SPON1: variants seen among roughly 807,000 people sequenced by gnomAD.
SPON1 encodes the protein spondin-1.
Under a neutral mutation model 111.7 loss-of-function variants are expected in SPON1, and 52 were observed. The ratio of observed to expected loss-of-function variants is 0.47; its 90% CI spans 0.37 to 0.59. The LOEUF (loss-of-function observed/expected upper bound fraction) is 0.59. Among genes scored for constraint, SPON1 ranks in the 20% least tolerant of loss-of-function variants. The probability of loss-of-function intolerance (pLI) is 0.00; values close to 1 mark genes in which losing one functional copy is unlikely to be tolerated. For missense variants in SPON1, 957 were observed against 1,068.5 expected, an observed-to-expected ratio of 0.90 and a Z score of 1.46; for synonymous variants, 410 against 395.8, an observed-to-expected ratio of 1.04 and a Z score of -0.43.
At chr11:14,001,683 G>A (rs1206590893) in intron 2 of SPON1, among the ~76,000 whole-genome samples, 1 of 152,190 alleles carries the variant, frequency 6.6e-6, no homozygotes, top group Non-Finnish European at 1.5e-5. Context: ...GATTACAACA[G>A]AGAGGGCTGC....
intron 2 of SPON1, among the ~76,000 whole-genome samples, chr11:13,983,447 G>C (rs1228291915): frequency 3.9e-5 from 6 of 152,248 alleles, no homozygotes; most frequent in Non-Finnish European, 8.8e-5. Context: ...ACAGGGCCGA[G>C]TTTAAGAGGT....
chr11:14,118,613 A>G (rs1290716509), intron 5 of SPON1, among the ~76,000 whole-genome samples: 1 of 152,200 alleles, frequency 6.6e-6, no homozygotes, highest in East Asian at 1.9e-4. Context: ...GCTGAAGTCT[A>G]TGAACACCAA....
chr11:14,018,147 T>C (rs1554914481), intron 2 of SPON1, among the ~76,000 whole-genome samples: 1 of 152,176 alleles, frequency 6.6e-6, no homozygotes, highest in Non-Finnish European at 1.5e-5. Flanking sequence ...AATTTGTGGG[T>C]AGAAAATGTA....
intron 2 of SPON1, among the ~76,000 whole-genome samples, chr11:14,040,642 A>G (rs564457537): frequency 1.3e-5 from 2 of 152,336 alleles, no homozygotes; most frequent in South Asian, 4.1e-4. Context: ...CAATATAGGT[A>G]TAATAATTTA....
intron 6 of SPON1, among the ~76,000 whole-genome samples, chr11:14,180,331 C>T (rs1848223842): frequency 6.6e-6 from 1 of 152,230 alleles, no homozygotes; most frequent in Non-Finnish European, 1.5e-5. Flanking sequence ...CTACCTTCAT[C>T]TTCATCATGC....
chr11:14,082,336 T>C (rs1259096792), intron 5 of SPON1, among the ~76,000 whole-genome samples: 1 of 152,242 alleles, frequency 6.6e-6, no homozygotes, highest in African/African-American at 2.4e-5. Flanking sequence ...TGATGTCTTA[T>C]AGACAATTGT....
At chr11:14,244,795 A>G (rs1410454529) in intron 7 of SPON1, among the ~76,000 whole-genome samples, 1 of 152,188 alleles carries the variant, frequency 6.6e-6, no homozygotes, top group Non-Finnish European at 1.5e-5. Flanking sequence ...CTCCTTCTTC[A>G]TCCCTCTGTG....
At chr11:14,041,447 A>C in intron 2 of SPON1, 74 bp from the exon 3 acceptor site, 1 of 1,541,050 alleles carries the variant, frequency 6.5e-7, no homozygotes, top group Non-Finnish European at 8.9e-7. Context: ...AAGTTAAGGA[A>C]GTACCAACTT....
chr11:14,237,024 T>C (rs1483375789), intron 6 of SPON1, among the ~76,000 whole-genome samples: 1 of 152,148 alleles, frequency 6.6e-6, no homozygotes, highest in Non-Finnish European at 1.5e-5. Context: ...ATATGAGCTG[T>C]TTTATTTATG....
intron 6 of SPON1, among the ~76,000 whole-genome samples, chr11:14,173,483 T>G (rs1379897768): frequency 2.0e-5 from 3 of 152,202 alleles, no homozygotes; most frequent in Non-Finnish European, 4.4e-5. Context: ...GAAGCCTTCT[T>G]CTCTCAACTC....
chr11:14,041,651 T>G lies in SPON1; in HGVS notation c.476T>G (p.Leu159Arg). 6.2e-7 allele frequency: 1 copy of G among 1,613,758 alleles called. No homozygotes were observed. Among genetic ancestry groups the G allele is most frequent in the Non-Finnish European group, 8.5e-7 (1 of 1,179,792 alleles). Reference sequence around the variant, plus strand: ...CCAGCGGGAACAGGCTGCGTGATTCTGAAGTAAGTAAACATGGAATCCTTC... The same window carrying G: ...CCAGCGGGAACAGGCTGCGTGATTCGGAAGTAAGTAAACATGGAATCCTTC... ...APPAGTGCVI[L>R]KASIVQKRII... Residue 159 changes from leucine to arginine, a missense_variant, in exon 3 of 16, where the codon CTG becomes CGG. Physicochemically the swap from Leu to Arg is moderately radical, Grantham distance 102. This residue lies in a region of SPON1 where 262 missense variants were observed against 253.9 expected (regional missense o/e 1.03). Transcript: ENST00000576479.
intron 3 of SPON1, among the ~76,000 whole-genome samples, chr11:14,047,753 A>T (rs1554917972): frequency 6.6e-6 from 1 of 152,214 alleles, no homozygotes; most frequent in Non-Finnish European, 1.5e-5. Context: ...GAGAGCAAAC[A>T]TGGCAGCCCT....
At chr11:14,159,820 A>T (rs1453040424) in intron 6 of SPON1, among the ~76,000 whole-genome samples, 2 of 149,848 alleles carry the variant, frequency 1.3e-5, no homozygotes, top group Admixed American at 1.3e-4. Flanking sequence ...CTTATTTATG[A>T]GATCTAAAAA....
At chr11:14,174,957 T>C (rs1405362958) in intron 6 of SPON1, among the ~76,000 whole-genome samples, 1 of 144,776 alleles carries the variant, frequency 6.9e-6, no homozygotes, top group African/African-American at 2.6e-5. Flanking sequence ...GTAAGCAGTT[T>C]CTTTTTTTAT....
intron 5 of SPON1, among the ~76,000 whole-genome samples, chr11:14,088,430 G>A (rs547942579): frequency 8.5e-5 from 13 of 152,218 alleles, no homozygotes; most frequent in East Asian, 5.8e-4. Flanking sequence ...TTGAAAATTC[G>A]TTTCTTTAAG....
chr11:14,261,734 A>G (rs1443210647), intron 14 of SPON1, among the ~76,000 whole-genome samples: 1 of 152,184 alleles, frequency 6.6e-6, no homozygotes, highest in Non-Finnish European at 1.5e-5. Context: ...TTGGGGCCCC[A>G]TAGCCTTCTG....
intron 5 of SPON1, among the ~76,000 whole-genome samples, chr11:14,097,124 C>A (rs553404390): frequency 6.6e-6 from 1 of 152,136 alleles, no homozygotes; most frequent in Non-Finnish European, 1.5e-5. Flanking sequence ...TAAACTCAGA[C>A]GCCAATCCAG....
At position 14,135,495 on chromosome 11, in the gene SPON1, A is replaced by G; in HGVS notation, c.752A>G (p.Tyr251Cys). 1 of 1,614,024 alleles carries G rather than the reference A, an allele frequency of 6.2e-7. No individual in the cohort carries two copies. Among genetic ancestry groups the G allele is most frequent in the East Asian group, 2.2e-5 (1 of 44,890 alleles). Residue 251 changes from tyrosine (Y) to cysteine (C), a missense_variant, in exon 6 of 16, where the codon TAT becomes TGT. This residue lies in a region of SPON1 where 122 missense variants were observed against 143.2 expected (regional missense o/e 0.85). Coordinates refer to ENST00000576479, the MANE Select transcript of SPON1 (RefSeq NM_006108.4). The surrounding 1 kb of genome is among the most constrained non-coding windows in gnomAD (Gnocchi z 4.4). ...KNYVLWEYGG[Y>C]ASEGVKQVAE... Reference sequence around the variant, plus strand: ...TATGTACTGTGGGAATATGGAGGATATGCCAGCGAAGGCGTCAAACAAGTT... The same window carrying G: ...TATGTACTGTGGGAATATGGAGGATGTGCCAGCGAAGGCGTCAAACAAGTT...
intron 6 of SPON1, among the ~76,000 whole-genome samples, chr11:14,139,891 C>T (rs1217989889): frequency 2.0e-5 from 3 of 152,018 alleles, no homozygotes; most frequent in Non-Finnish European, 4.4e-5. Context: ...ATGCTAACAA[C>T]AGCACATGCA....
Sources: gnomAD v4.1 joint callset for allele counts (sites outside exome capture counted in the v4.1 genomes callset) on GRCh38, gnomAD v4.1.1 for gene constraint, gnomAD v4.1.1 regional missense constraint, Gnocchi (gnomAD v3.1) non-coding constraint, MANE v1.5 for transcripts, NCBI Gene and HGNC (gene_info 2026-07-23, HGNC 2026-07-21) for gene names.